WDR18: variants seen among roughly 807,000 people sequenced by gnomAD.
The protein encoded by WDR18 is WD repeat domain 18.
A neutral mutation model predicts 49.6 loss-of-function variants in WDR18; 33 were observed. The observed-to-expected ratio is 0.67, with a 90% confidence interval of 0.50 to 0.89. The LOEUF (loss-of-function observed/expected upper bound fraction) is 0.89, where lower values mean the gene tolerates loss of function less well. Ranked by LOEUF, WDR18 falls within the 40% of genes least tolerant of loss-of-function variation. WDR18 has a pLI of 0.00. For missense variants in WDR18, 653 were observed against 593.6 expected (o/e 1.10, Z -1.04); for synonymous variants, 315 against 263.6 (o/e 1.19, Z -1.89).
intron 8 of WDR18, among the ~76,000 whole-genome samples, chr19:993,364 G>A (rs1190125183): frequency 1.3e-5 from 2 of 152,226 alleles, no homozygotes; most frequent in Admixed American, 6.5e-5. Flanking sequence ...TCCGGAGGGG[G>A]CCAGGCCATG....
rs1049928532 is a variant in WDR18, at chr19:985,803, C to A, written c.211-62C>A. The stretch of plus-strand genomic sequence containing the variant: ...CCCAGGCGTCCCCTCCCCTCGCCCT[C>A]CACTGCTGTAGTAGCTCCCGTGTCC... On this transcript the variant is annotated intron_variant, in intron 1 of 9. Coordinates refer to ENST00000585809, the MANE Select transcript of WDR18 (RefSeq NM_024100.4). 6.9e-5 allele frequency: 106 copies of A among 1,537,608 alleles called. 2 individuals carry two copies. In the South Asian group the frequency reaches 1.0e-3, roughly 15 times the overall value.
chr19:982,970 G>A (rs1319511113), upstream of WDR18, among the ~76,000 whole-genome samples: 3 of 152,182 alleles, frequency 2.0e-5, no homozygotes, highest in East Asian at 5.8e-4. Context: ...CGCGGACCAG[G>A]AGTCGCACCG....
intron 1 of WDR18, among the ~76,000 whole-genome samples, chr19:985,071 A>G (rs1457389957): frequency 6.6e-6 from 1 of 151,978 alleles, no homozygotes; most frequent in Non-Finnish European, 1.5e-5. Context: ...CCCTGAAGCT[A>G]CTCGCTTCCC....
At chr19:992,971 C>G (rs570306611) in intron 8 of WDR18, among the ~76,000 whole-genome samples, 13 of 152,324 alleles carry the variant, frequency 8.5e-5, no homozygotes, top group African/African-American at 2.9e-4. Flanking sequence ...CCTGACAGGC[C>G]CTGCACCAGG....
chr19:993,551 A>AC (rs1475391970), intron 8 of WDR18, among the ~76,000 whole-genome samples: 1 of 152,068 alleles, frequency 6.6e-6, no homozygotes, highest in Non-Finnish European at 1.5e-5. Flanking sequence ...CGGGTTCCCG[A>AC]CCTCTGATCC....
At chr19:983,277 T>C (rs1255192430), upstream of WDR18, among the ~76,000 whole-genome samples, 4 of 152,084 alleles carry the variant, frequency 2.6e-5, no homozygotes, top group African/African-American at 9.7e-5. Context: ...CTACTAGATA[T>C]ATATTTAGTA....
intron 2 of WDR18, among the ~76,000 whole-genome samples, chr19:986,614 T>G (rs1446228807): frequency 1.3e-5 from 2 of 152,112 alleles, no homozygotes; most frequent in African/African-American, 4.8e-5. Context: ...TGACAGCAAC[T>G]CCTAGACACA....
At chr19:986,049 G>A (rs1599443803) in intron 2 of WDR18, 74 bp downstream of exon 2, 6 of 1,461,368 alleles carry the variant, frequency 4.1e-6, no homozygotes, top group East Asian at 2.3e-5. Flanking sequence ...AGGGCACCAG[G>A]GAACAACCAT....
intron 2 of WDR18, 88 bp from the exon 3 acceptor site, chr19:989,674 G>A (rs1003143836): frequency 1.4e-5 from 22 of 1,559,430 alleles, no homozygotes; most frequent in African/African-American, 9.5e-5. Flanking sequence ...GGCCATGGCC[G>A]TGCAGTGGTG....
At position 985,915 on chromosome 19, in the gene WDR18, T is replaced by C; in HGVS notation, c.261T>C (p.Thr87=). 6.2e-7 allele frequency: 1 copy of C among 1,613,948 alleles called. No homozygotes were observed. The highest frequency in any genetic ancestry group is 8.5e-7 in the Non-Finnish European group (1 of 1,179,986). Residue 87 remains threonine, a synonymous_variant, in exon 2 of 10, where the codon ACT becomes ACC. Coordinates refer to ENST00000585809, the MANE Select transcript of WDR18 (RefSeq NM_024100.4). ...IMCPGPVTCL[T]ASPNGLYVLA... The stretch of plus-strand genomic sequence containing the variant: ...GCCCCGGGCCTGTCACCTGTCTGAC[T>C]GCATCACCCAATGGTCTCTACGTCC...
At chr19:991,034 G>T (rs1216430816) in intron 5 of WDR18, 39 bp downstream of exon 5, 2 of 1,599,426 alleles carry the variant, frequency 1.3e-6, no homozygotes, top group Middle Eastern at 1.7e-4. Context: ...CTGCCCTGGG[G>T]CTGAGGGCAT....
Position 987,829 on chromosome 19 carries a change from G to GTTTTTTTTTTTTT in WDR18, c.321+1865_321+1877dup, listed in dbSNP as rs71174337. Among the ~76,000 whole-genome samples, 245 of 91,784 alleles carry GTTTTTTTTTTTTT rather than the reference G, an allele frequency of 2.7e-3. 33 individuals are homozygous for GTTTTTTTTTTTTT. Among genetic ancestry groups the GTTTTTTTTTTTTT allele is most frequent in the African/African-American group, 8.1e-3 (154 of 18,916 alleles). 60.2% of individuals were successfully genotyped at this position (91,784 alleles called of 152,430 possible). On this transcript the variant is annotated intron_variant, in intron 2 of 9. Transcript: ENST00000585809. ...ACCCCTGCTCCCCTAGCCGCCTCCA[G>GTTTTTTTTTTTTT]TTTTTTTTTTTTTTTTTTTTTTTCA...
chr19:984,283 C>A, upstream of WDR18: 3 of 1,411,198 alleles, frequency 2.1e-6, no homozygotes, highest in Non-Finnish European at 1.9e-6. Context: ...GGCCGCCGCT[C>A]TGGCCCGCGT....
chr19:986,654 C>T (rs924945769), intron 2 of WDR18, among the ~76,000 whole-genome samples: 1 of 152,220 alleles, frequency 6.6e-6, no homozygotes, highest in African/African-American at 2.4e-5. Context: ...CATGCTCTCA[C>T]TGCGAGACAG....
upstream of WDR18, among the ~76,000 whole-genome samples, chr19:983,655 A>T (rs944416353): frequency 6.6e-6 from 1 of 151,642 alleles, no homozygotes; most frequent in African/African-American, 2.4e-5. Context: ...AGAACTGGCG[A>T]CTTGTTTGAC....
At chr19:991,167 G>A (rs1171174908) in intron 6 of WDR18, 22 bp downstream of exon 6, 5 of 1,554,262 alleles carry the variant, frequency 3.2e-6, no homozygotes, top group Non-Finnish European at 3.5e-6. Flanking sequence ...GGAACGGGGC[G>A]GGGGCTCCCA....
intron 2 of WDR18, among the ~76,000 whole-genome samples, chr19:988,181 A>G (rs1282352924): frequency 6.6e-6 from 1 of 152,062 alleles, no homozygotes; most frequent in Non-Finnish European, 1.5e-5. Flanking sequence ...GGTGTCCCAC[A>G]TAGCCAGAGC....
At position 994,047 on chromosome 19, in the gene WDR18, A is replaced by ACGGAGCAGCTGCAGGC; in HGVS notation, c.1129_1144dup (p.Val382GlyfsTer122). On this transcript the variant is annotated frameshift_variant, in exon 9 of 10. Transcript: ENST00000585809. LOFTEE classifies it high-confidence loss of function. ...CTCGGAGCCCAGCTACCTGGACCGC[A>ACGGAGCAGCTGCAGGC]CGGAGCAGCTGCAGGCCGTCCTGTG... is the stretch of plus-strand genomic sequence containing the variant. 6.4e-7 allele frequency: 1 copy of ACGGAGCAGCTGCAGGC among 1,560,556 alleles called. No homozygotes were observed. The highest frequency in any genetic ancestry group is 8.7e-7 in the Non-Finnish European group (1 of 1,153,506).
In WDR18 at chr19:994,302, GT is replaced by G; in HGVS notation, c.1259del (p.Phe420SerfsTer?). On this transcript the variant is annotated frameshift_variant, in exon 10 of 10. Coordinates refer to ENST00000585809, the MANE Select transcript of WDR18 (RefSeq NM_024100.4). LOFTEE classifies it high-confidence loss of function. ...RNLRKINRDL[F>X]DFSTRFITRP... Reference sequence around the variant, plus strand: ...ACCTGCGCAAGATCAATCGGGACCTGTTCGACTTCTCCACGCGCTTCATCAC... The same window carrying G: ...ACCTGCGCAAGATCAATCGGGACCTGTCGACTTCTCCACGCGCTTCATCAC... The G allele has an allele frequency of 1.9e-6, 3 of 1,611,228 alleles. No homozygotes were observed. The highest frequency in any genetic ancestry group is 2.5e-6 in the Non-Finnish European group (3 of 1,179,404).
Sources: allele counts gnomAD v4.1 joint callset (sites outside exome capture counted in the v4.1 genomes callset), GRCh38; gene constraint gnomAD v4.1.1; transcripts MANE v1.5; gene names NCBI Gene and HGNC (gene_info 2026-07-23, HGNC 2026-07-21).